INHBC: variants seen among roughly 807,000 people sequenced by gnomAD.
INHBC encodes inhibin subunit beta C, also known as inhibin beta C chain.
Under a neutral mutation model 12.4 loss-of-function variants are expected in INHBC, and 10 were observed. The ratio of observed to expected loss-of-function variants is 0.81; its 90% confidence interval spans 0.50 to 1.37. The LOEUF (loss-of-function observed/expected upper bound fraction) is 1.37. Among genes scored for constraint, INHBC ranks in the 40% most tolerant of loss-of-function variants. INHBC has a pLI of 0.00. For missense variants in INHBC, 382 were observed against 439.4 expected, an observed-to-expected ratio of 0.87 and a Z score of 1.17; for synonymous variants, 147 against 171.6, an observed-to-expected ratio of 0.86 and a Z score of 1.12.
intron 1 of INHBC, among the ~76,000 whole-genome samples, chr12:57,436,994 A>T (rs1870356430): frequency 6.6e-6 from 1 of 152,058 alleles, no homozygotes; most frequent in African/African-American, 2.4e-5. Flanking sequence ...ACAAGATTTC[A>T]TCATGTTGCC....
In INHBC at chr12:57,451,078, A is replaced by G. The variant is rs1003120501; in HGVS notation, c.*1056A>G. Among the ~76,000 whole-genome samples the G allele has an allele frequency of 6.6e-6, 1 of 152,124 alleles. No homozygotes were observed. Among genetic ancestry groups the G allele is most frequent in the African/African-American group, 2.4e-5 (1 of 41,432 alleles). On this transcript the variant is annotated 3_prime_UTR_variant, in exon 2 of 2. Transcript: ENST00000309668. ...TCTGCCTACTCTGCTGTCTCTTCAC[A>G]TGGTCTCCTCAGAACTGAACTATTG...
intron 1 of INHBC, among the ~76,000 whole-genome samples, chr12:57,447,578 A>C (rs1026796827): frequency 6.6e-6 from 1 of 151,236 alleles, no homozygotes; most frequent in Non-Finnish European, 1.5e-5. Flanking sequence ...TTCAGGTTGA[A>C]AAAATTGATT....
chr12:57,451,840 C>T lies in INHBC; in HGVS notation c.*1818C>T, dbSNP rs950071440. On this transcript the variant is annotated 3_prime_UTR_variant, in exon 2 of 2. Transcript: ENST00000309668. ...GTCTCCCCCACACATCCCCGACCCC[C>T]AGATCTAACCTCCTTCCCAATTACA... 12 of 455,688 alleles carry T rather than the reference C, an allele frequency of 2.6e-5. No homozygotes were observed. Among genetic ancestry groups the T allele is most frequent in the African/African-American group, 2.4e-4 (12 of 49,994 alleles). The allele number at this position is 455,688 out of a possible 1,614,324, so 28.2% of individuals were successfully genotyped here.
rs921048995 is a variant in INHBC, at chr12:57,450,866, T to C, written c.*844T>C. 6.6e-6 allele frequency: 1 copy of C among 152,310 alleles called. No individual in the cohort carries two copies. Among genetic ancestry groups the C allele is most frequent in the Non-Finnish European group, 1.5e-5 (1 of 68,106 alleles). The allele number at this position is 152,310 out of a possible 1,614,324, so 9.4% of individuals were successfully genotyped here. On this transcript the variant is annotated 3_prime_UTR_variant, in exon 2 of 2. Transcript: ENST00000309668. ...ACTAGGGGGTCCTAAAGGCTTTCTA[T>C]CTTGCTAGTCCCTGGGGCCTCAACA...
intron 1 of INHBC, among the ~76,000 whole-genome samples, chr12:57,447,924 A>C (rs12317092): frequency 1.2e-5 from 1 of 81,064 alleles, no homozygotes. Flanking sequence ...TATATATATA[A>C]AATATATGTG....
chr12:57,437,523 T>C (rs1015959711), intron 1 of INHBC, among the ~76,000 whole-genome samples: 2 of 151,274 alleles, frequency 1.3e-5, no homozygotes, highest in African/African-American at 4.9e-5. Context: ...CAAAAAAAAT[T>C]AGCTGGGCAT....
Position 57,451,285 on chromosome 12 carries a change from C to T in INHBC, c.*1263C>T, listed in dbSNP as rs912020246. Among the ~76,000 whole-genome samples the T allele has an allele frequency of 3.3e-5, 5 of 152,316 alleles. No homozygotes were observed. The highest frequency in any genetic ancestry group is 7.3e-5 in the Non-Finnish European group (5 of 68,028). Reference sequence around the variant, plus strand: ...CCAGTAAACTGACCAGCTGTGGGCACGCAAGTGTGGGAGGCAGAGGCATGC... The same window carrying T: ...CCAGTAAACTGACCAGCTGTGGGCATGCAAGTGTGGGAGGCAGAGGCATGC... On this transcript the variant is annotated 3_prime_UTR_variant, in exon 2 of 2. Coordinates refer to ENST00000309668, the MANE Select transcript of INHBC (RefSeq NM_005538.4).
chr12:57,435,324 T>A (rs1870310981), intron 1 of INHBC, 125 bp downstream of exon 1: 8 of 915,720 alleles, frequency 8.7e-6, no homozygotes, highest in South Asian at 8.5e-5. Flanking sequence ...CCACAGGCTA[T>A]AATCTCCTTA....
At chr12:57,443,198 A>G (rs1341469898) in intron 1 of INHBC, among the ~76,000 whole-genome samples, 3 of 135,528 alleles carry the variant, frequency 2.2e-5, no homozygotes, top group Non-Finnish European at 4.6e-5. Context: ...GCTCACTGCA[A>G]CCTCTGCCTC....
Position 57,435,084 on chromosome 12 carries a change from T to C in INHBC, c.198T>C (p.Pro66=). Residue 66 remains proline (P), a synonymous_variant, in exon 1 of 2, where the codon CCT becomes CCC. Transcript: ENST00000309668. ...HLTQRPTLNR[P]VSRAALRTAL... is the part of the protein sequence containing the mutation. ...CCCAGCGCCCAACACTGAACCGCCC[T>C]GTGTCCAGAGCTGCTTTGAGGACTG... The C allele has an allele frequency of 1.2e-6, 2 of 1,614,190 alleles. No homozygotes were observed. The highest frequency in any genetic ancestry group is 1.7e-6 in the Non-Finnish European group (2 of 1,180,034).
intron 1 of INHBC, among the ~76,000 whole-genome samples, chr12:57,438,003 C>G (rs1213154758): frequency 1.3e-5 from 2 of 152,072 alleles, no homozygotes; most frequent in Non-Finnish European, 2.9e-5. Context: ...CCAGGCTGGT[C>G]TCGAACTCCT....
chr12:57,442,015 T>C (rs1351664163), intron 1 of INHBC, among the ~76,000 whole-genome samples: 2 of 152,160 alleles, frequency 1.3e-5, no homozygotes, highest in Non-Finnish European at 2.9e-5. Context: ...TGTGCTTATC[T>C]GGACAGTTCT....
At chr12:57,448,567 T>TAAAAAAAA (rs10577805) in intron 1 of INHBC, among the ~76,000 whole-genome samples, 9 of 121,614 alleles carry the variant, frequency 7.4e-5, no homozygotes, top group Non-Finnish European at 1.2e-4. Context: ...AGACTCCGTC[T>TAAAAAAAA]AAAAAAAAAA....
In INHBC at chr12:57,449,303, CTT is replaced by C; in HGVS notation, c.341_342del (p.Leu114ArgfsTer7). Reference sequence around the variant, plus strand: ...CCTCTCCACCATCAACCAGACTCGTCTTGATTTTCACTTCTCCTCTGATAGAA... The same window carrying C: ...CCTCTCCACCATCAACCAGACTCGTCGATTTTCACTTCTCCTCTGATAGAA... The part of the protein sequence containing the change: ...TGLSTINQTR[L>X]DFHFSSDRTA... On this transcript the variant is annotated frameshift_variant, in exon 2 of 2. Coordinates refer to ENST00000309668, the MANE Select transcript of INHBC (RefSeq NM_005538.4). LOFTEE classifies it low-confidence loss of function (END_TRUNC). The C allele has an allele frequency of 6.2e-7, 1 of 1,614,024 alleles. No individual in the cohort carries two copies.
chr12:57,437,272 T>C (rs959434215), intron 1 of INHBC, among the ~76,000 whole-genome samples: 2 of 151,028 alleles, frequency 1.3e-5, no homozygotes, highest in African/African-American at 2.4e-5. Context: ...TAAAGAAAGA[T>C]AGATAAAAGA....
chr12:57,450,046 A>C lies in INHBC; in HGVS notation c.*24A>C. ...AGTCTATGTGTGGTATGGGCAGCCC[A>C]AGGTTGCATGGGAAAACACGCCCCT... On this transcript the variant is annotated 3_prime_UTR_variant, in exon 2 of 2. Coordinates refer to ENST00000309668, the MANE Select transcript of INHBC (RefSeq NM_005538.4). 6.7e-7 allele frequency: 1 copy of C among 1,484,664 alleles called. No individual in the cohort carries two copies. The allele number at this position is 1,484,664 out of a possible 1,614,324, so 92.0% of individuals were successfully genotyped here. A position where few individuals can be genotyped will look rare whatever the true frequency, so the allele number is the denominator to read the frequency against.
At chr12:57,442,850 G>A (rs1476632110) in intron 1 of INHBC, among the ~76,000 whole-genome samples, 1 of 152,052 alleles carries the variant, frequency 6.6e-6, no homozygotes, top group South Asian at 2.1e-4. Context: ...AATTAGCTGG[G>A]CATGGTGGCA....
chr12:57,450,182 A>C lies in INHBC; in HGVS notation c.*160A>C. 3 of 695,630 alleles carry C rather than the reference A, an allele frequency of 4.3e-6. No individual in the cohort carries two copies. The highest frequency in any genetic ancestry group is 3.6e-5 in the South Asian group (1 of 27,492). 43.1% of individuals were successfully genotyped at this position (695,630 alleles called of 1,614,324 possible). ...ATTACCCCACCTTTGACTTGAAGAA[A>C]CCTTCATCTAAAGCAAGTCACTGTG... On this transcript the variant is annotated 3_prime_UTR_variant, in exon 2 of 2. Coordinates refer to ENST00000309668, the MANE Select transcript of INHBC (RefSeq NM_005538.4).
chr12:57,441,494 C>T (rs1355678541), intron 1 of INHBC, among the ~76,000 whole-genome samples: 1 of 142,306 alleles, frequency 7.0e-6, no homozygotes, highest in Non-Finnish European at 1.5e-5. Flanking sequence ...CATTGCACTT[C>T]AGCCTGGGCA....
Sources: allele counts gnomAD v4.1 joint callset (sites outside exome capture counted in the v4.1 genomes callset), GRCh38; gene constraint gnomAD v4.1.1; transcripts MANE v1.5; gene names NCBI Gene and HGNC (gene_info 2026-07-23, HGNC 2026-07-21).